Variants in GREB1L observed in about 807,000 individuals in gnomAD.
GREB1L encodes the protein GREB1-like protein.
A neutral mutation model predicts 200.8 loss-of-function variants in GREB1L; 17 were observed. The observed-to-expected ratio is 0.08, with a 90% CI of 0.06 to 0.13. GREB1L has a LOEUF of 0.13. GREB1L is among the 10% of genes least tolerant of loss of function. The pLI is 1.00. For missense variants in GREB1L, 1,657 were observed against 2,367.7 expected (o/e 0.70, Z 6.23); for synonymous variants, 789 against 893.0 (o/e 0.88, Z 2.08).
At chr18:21,425,644 T>A (rs1276407626) in intron 7 of GREB1L, among the ~76,000 whole-genome samples, 1 of 152,266 alleles carries the variant, frequency 6.6e-6, no homozygotes, top group African/African-American at 2.4e-5. Flanking sequence ...TGGTTAATGA[T>A]GTTGAGCATC....
At chr18:21,480,218 G>A (rs1429667662) in intron 17 of GREB1L, among the ~76,000 whole-genome samples, 1 of 152,152 alleles carries the variant, frequency 6.6e-6, no homozygotes, top group African/African-American at 2.4e-5. Context: ...GGGTGTGGTG[G>A]CAGGCACCTG....
At chr18:21,500,498 T>C in intron 22 of GREB1L, 42 bp from the exon 23 acceptor site, 1 of 1,388,386 alleles carries the variant, frequency 7.2e-7, no homozygotes. Context: ...TCCCCTCTCT[T>C]TCCCGCCTCC....
intron 7 of GREB1L, among the ~76,000 whole-genome samples, chr18:21,412,849 C>CT (rs2144727922): frequency 6.6e-6 from 1 of 152,118 alleles, no homozygotes; most frequent in African/African-American, 2.4e-5. Flanking sequence ...CCACCCCCCC[C>CT]CACCACCAAA....
intron 1 of GREB1L, among the ~76,000 whole-genome samples, chr18:21,319,373 G>T (rs2038918239): frequency 6.6e-6 from 1 of 152,124 alleles, no homozygotes; most frequent in Non-Finnish European, 1.5e-5. Context: ...AAATTAAAAG[G>T]CTTTTCCTAT....
intron 7 of GREB1L, among the ~76,000 whole-genome samples, chr18:21,428,727 T>C (rs2032867312): frequency 7.0e-6 from 1 of 143,400 alleles, no homozygotes; most frequent in African/African-American, 2.6e-5. Context: ...TTTTTTTTTT[T>C]TTTTTTGAGA....
intron 17 of GREB1L, among the ~76,000 whole-genome samples, chr18:21,484,942 T>G (rs2036071678): frequency 6.6e-6 from 1 of 152,040 alleles, no homozygotes; most frequent in South Asian, 2.1e-4. Flanking sequence ...CAAAAACAGA[T>G]TCATGAACTC....
At chr18:21,332,086 A>C (rs2039113888) in intron 1 of GREB1L, among the ~76,000 whole-genome samples, 1 of 152,214 alleles carries the variant, frequency 6.6e-6, no homozygotes, top group Non-Finnish European at 1.5e-5. Flanking sequence ...ACAACAACAA[A>C]AAAGATTTCA....
chr18:21,469,360 T>G (rs1302897872), intron 15 of GREB1L, among the ~76,000 whole-genome samples: 1 of 152,240 alleles, frequency 6.6e-6, no homozygotes, highest in Non-Finnish European at 1.5e-5. Context: ...TTTGCTCAAA[T>G]TTTCCAGCAT....
At chr18:21,361,836 G>A (rs1478496364) in intron 1 of GREB1L, among the ~76,000 whole-genome samples, 2 of 152,094 alleles carry the variant, frequency 1.3e-5, no homozygotes, top group African/African-American at 4.8e-5. Context: ...CATTTAATTG[G>A]ATCTTTTTTT....
chr18:21,383,132 A>G (rs2040393319), intron 2 of GREB1L, among the ~76,000 whole-genome samples: 1 of 152,204 alleles, frequency 6.6e-6, no homozygotes, highest in South Asian at 2.1e-4. Flanking sequence ...AACCACTGAT[A>G]GAGTTTCTAG....
At chr18:21,431,904 TTTTTC>T (rs1213899982) in intron 7 of GREB1L, among the ~76,000 whole-genome samples, 5 of 149,680 alleles carry the variant, frequency 3.3e-5, no homozygotes, top group South Asian at 2.1e-4. Flanking sequence ...TTAGAGTCTA[TTTTTC>T]TTTTCTTTTC....
At chr18:21,476,535 G>A (rs2035705541) in intron 16 of GREB1L, among the ~76,000 whole-genome samples, 3 of 151,846 alleles carry the variant, frequency 2.0e-5, no homozygotes, top group Non-Finnish European at 4.4e-5. Flanking sequence ...TACATGTTGG[G>A]ACTTCTCTGA....
intron 1 of GREB1L, among the ~76,000 whole-genome samples, chr18:21,250,855 C>A (rs573694195): frequency 6.6e-6 from 1 of 152,102 alleles, no homozygotes; most frequent in African/African-American, 2.4e-5. Context: ...TGTTTTCTTT[C>A]TTTTCCTCTT....
intron 15 of GREB1L, among the ~76,000 whole-genome samples, chr18:21,470,842 A>G (rs542498881): frequency 3.3e-5 from 5 of 152,336 alleles, no homozygotes; most frequent in Non-Finnish European, 5.9e-5. Context: ...ATGTATCTCT[A>G]TACTTTCCAG....
chr18:21,378,832 A>G (rs1442513352), intron 2 of GREB1L, among the ~76,000 whole-genome samples: 2 of 151,820 alleles, frequency 1.3e-5, no homozygotes, highest in East Asian at 1.9e-4. Context: ...GTCTTCTGTA[A>G]TGGTGAAACT....
At chr18:21,258,459 C>G (rs1471877157) in intron 1 of GREB1L, among the ~76,000 whole-genome samples, 1 of 152,176 alleles carries the variant, frequency 6.6e-6, no homozygotes, top group Non-Finnish European at 1.5e-5. Context: ...GAACTGTTAG[C>G]TTTCTTCCAT....
intron 1 of GREB1L, among the ~76,000 whole-genome samples, chr18:21,288,260 G>GA (rs894755226): frequency 1.1e-4 from 16 of 150,294 alleles, no homozygotes; most frequent in South Asian, 1.1e-3. Flanking sequence ...AGATTATCCA[G>GA]AAAAAAAAAG....
intron 1 of GREB1L, among the ~76,000 whole-genome samples, chr18:21,275,669 T>C (rs2038151108): frequency 1.3e-5 from 2 of 152,120 alleles, no homozygotes; most frequent in Non-Finnish European, 1.5e-5. Context: ...AATAAAGTGT[T>C]AATATTCTCT....
intron 1 of GREB1L, among the ~76,000 whole-genome samples, chr18:21,277,342 G>A (rs1446013850): frequency 6.6e-6 from 1 of 152,122 alleles, no homozygotes; most frequent in East Asian, 1.9e-4. Flanking sequence ...CCATGCTAGG[G>A]GTACCCTTTT....
Sources: gnomAD v4.1 joint callset for allele counts (sites outside exome capture counted in the v4.1 genomes callset) on GRCh38, gnomAD v4.1.1 for gene constraint, MANE v1.5 for transcripts, NCBI Gene and HGNC (gene_info 2026-07-23, HGNC 2026-07-21) for gene names.